The following FMN1 variants were observed in gnomAD, a reference collection of about 807,000 sequenced individuals.
The protein encoded by FMN1 is formin-1.
Under a neutral mutation model 132.4 loss-of-function variants are expected in FMN1, and 110 were observed. The observed-to-expected ratio is 0.83, with a 90% CI of 0.71 to 0.97. The LOEUF (loss-of-function observed/expected upper bound fraction) is 0.97. FMN1 is among the 50% of genes least tolerant of loss of function. The probability of loss-of-function intolerance (pLI) is 0.00; values close to 1 mark genes in which losing one functional copy is unlikely to be tolerated. For synonymous variants in FMN1, 722 were observed against 651.7 expected (o/e 1.11, Z -1.64); for missense variants, 1,792 against 1,705.3 (o/e 1.05, Z -0.90).
chr15:32,802,204 G>T (rs2057503747), intron 18 of FMN1, among the ~76,000 whole-genome samples: 1 of 151,990 alleles, frequency 6.6e-6, no homozygotes, highest in Non-Finnish European at 1.5e-5. Flanking sequence ...TTTTCTCTCT[G>T]CTATAATTCC....
intron 7 of FMN1, among the ~76,000 whole-genome samples, chr15:32,982,843 G>T (rs2032786431): frequency 6.6e-6 from 1 of 152,014 alleles, no homozygotes; most frequent in Non-Finnish European, 1.5e-5. Context: ...CAGCCCTCCT[G>T]AATCTCAGGC....
In FMN1 at chr15:32,971,969, A is replaced by G. The variant is rs186460756; in HGVS notation, c.2224-2492T>C. Among the ~76,000 whole-genome samples, 4 of 152,276 alleles carry G rather than the reference A, an allele frequency of 2.6e-5. No homozygotes were observed. The East Asian group carries it at 7.7e-4, about 29-fold the overall frequency. On this transcript the variant is annotated intron_variant, in intron 7 of 20. Coordinates refer to ENST00000616417, the MANE Select transcript of FMN1 (RefSeq NM_001277313.2). ...CATTTTAGCAGCTCTGAGGTAAGGC[A>G]TTTGTTTAGTGTAGTGGGCAGAACA...
At chr15:32,951,283 C>A (rs1348020011) in intron 9 of FMN1, among the ~76,000 whole-genome samples, 3 of 152,134 alleles carry the variant, frequency 2.0e-5, no homozygotes, top group Non-Finnish European at 4.4e-5. Context: ...AAGCAAAATA[C>A]AAATAGAACT....
At chr15:32,984,230 A>C (rs1244729771) in intron 7 of FMN1, among the ~76,000 whole-genome samples, 1 of 152,114 alleles carries the variant, frequency 6.6e-6, no homozygotes, top group African/African-American at 2.4e-5. Flanking sequence ...CCAGCCTCCA[A>C]TGCAAGGATT....
At chr15:33,090,184 A>G (rs2038854225) in intron 4 of FMN1, among the ~76,000 whole-genome samples, 1 of 152,236 alleles carries the variant, frequency 6.6e-6, no homozygotes, top group Non-Finnish European at 1.5e-5. Context: ...ATTTTGCAAT[A>G]GAGATCACTG....
At chr15:32,826,980 G>T (rs965572648) in intron 17 of FMN1, among the ~76,000 whole-genome samples, 6 of 152,214 alleles carry the variant, frequency 3.9e-5, no homozygotes, top group Non-Finnish European at 7.3e-5. Context: ...TAGAACTACA[G>T]GAGAATCAGA....
chr15:33,048,644 A>AAAAAAAAAAAAAAAAAAAAAAAAAAAAC, intron 6 of FMN1, among the ~76,000 whole-genome samples: 2 of 86,948 alleles, frequency 2.3e-5, no homozygotes, highest in African/African-American at 4.1e-5. Context: ...AAAAAAAAAA[A>AAAAAAAAAAAAAAAAAAAAAAAAAAAAC]AAAAACCAAC....
At chr15:32,969,716 A>G (rs1438228349) in intron 7 of FMN1, among the ~76,000 whole-genome samples, 1 of 152,188 alleles carries the variant, frequency 6.6e-6, no homozygotes, top group East Asian at 1.9e-4. Flanking sequence ...ACGGGAGATA[A>G]TTTTCATGGA....
At chr15:33,051,908 G>A (rs989157432) in intron 6 of FMN1, among the ~76,000 whole-genome samples, 2 of 152,120 alleles carry the variant, frequency 1.3e-5, no homozygotes, top group Non-Finnish European at 2.9e-5. Flanking sequence ...TAACCCACTT[G>A]GCCCTGTTCT....
intron 4 of FMN1, among the ~76,000 whole-genome samples, chr15:33,121,954 T>TA (rs951431487): frequency 3.5e-4 from 53 of 152,356 alleles, no homozygotes; most frequent in African/African-American, 1.2e-3. Context: ...TGTTACCAAT[T>TA]AATTCATTTA....
intron 6 of FMN1, among the ~76,000 whole-genome samples, chr15:33,021,207 G>GA (rs2035400206): frequency 6.6e-6 from 1 of 152,062 alleles, no homozygotes; most frequent in African/African-American, 2.4e-5. Flanking sequence ...AGAACAGCCT[G>GA]AAAAAGCCCA....
chr15:33,115,833 C>T (rs1490187322), intron 4 of FMN1, among the ~76,000 whole-genome samples: 1 of 152,168 alleles, frequency 6.6e-6, no homozygotes, highest in African/African-American at 2.4e-5. Flanking sequence ...TCTTTGTGGT[C>T]ATGAGATTTT....
At chr15:33,026,228 A>C (rs371778703) in intron 6 of FMN1, among the ~76,000 whole-genome samples, 1 of 152,154 alleles carries the variant, frequency 6.6e-6, no homozygotes, top group Non-Finnish European at 1.5e-5. Flanking sequence ...AAAGAGGCAG[A>C]GAAATTGAAT....
At chr15:32,902,117 C>G in intron 12 of FMN1, 77 bp from the exon 13 acceptor site, 2 of 1,308,168 alleles carry the variant, frequency 1.5e-6, no homozygotes, top group Non-Finnish European at 1.1e-6. Flanking sequence ...AAAAGACCCA[C>G]TTTGGGAACA....
intron 14 of FMN1, among the ~76,000 whole-genome samples, chr15:32,899,355 G>A (rs1004106520): frequency 1.3e-5 from 2 of 152,310 alleles, no homozygotes; most frequent in South Asian, 2.1e-4. Flanking sequence ...GAGGCCAGTG[G>A]GGAGCAGGCC....
Position 32,949,984 on chromosome 15 carries a change from C to CATATATATAT in FMN1, c.3138+14122_3138+14123insATATATATAT, listed in dbSNP as rs1567449047. Among the ~76,000 whole-genome samples the CATATATATAT allele has an allele frequency of 4.3e-3, 132 of 30,930 alleles. 17 individuals are homozygous for CATATATATAT. Among genetic ancestry groups the CATATATATAT allele is most frequent in the East Asian group, 7.0e-3 (8 of 1,144 alleles). The allele number at this position is 30,930 out of a possible 152,430, so 20.3% of individuals were successfully genotyped here. On this transcript the variant is annotated intron_variant, in intron 9 of 20. Transcript: ENST00000616417. ...ATATATACACACATATATATACACA[C>CATATATATAT]ACATATATATACACATACACATATA... is the stretch of plus-strand genomic sequence containing the variant.
At position 32,823,167 on chromosome 15, in the gene FMN1, T is replaced by TTTTG. The variant is rs1567224919; in HGVS notation, c.3929-18836_3929-18835insCAAA. On this transcript the variant is annotated intron_variant, in intron 17 of 20. Coordinates refer to ENST00000616417, the MANE Select transcript of FMN1 (RefSeq NM_001277313.2). ...AGTTTCTACTGTTTTTTTTTTTTTT[T>TTTTG]TTTTTTTTTTTTGAGACAGAGTCTT... 8.9e-3 allele frequency among the ~76,000 whole-genome samples: 609 copies of TTTTG among 68,810 alleles called. 16 individuals are homozygous for TTTTG. Among genetic ancestry groups the TTTTG allele is most frequent in the Admixed American group, 0.064 (461 of 7,244 alleles). 45.1% of individuals were successfully genotyped at this position (68,810 alleles called of 152,430 possible). A position where few individuals can be genotyped will look rare whatever the true frequency, so the allele number is the denominator to read the frequency against.
At chr15:32,795,193 C>G (rs28625085) in intron 19 of FMN1, among the ~76,000 whole-genome samples, 15,121 of 152,018 alleles carry the variant, frequency 0.099, 862 homozygotes, top group East Asian at 0.16. Flanking sequence ...CAAAAGAAAA[C>G]AAAACAAAGG....
intron 6 of FMN1, among the ~76,000 whole-genome samples, chr15:33,022,659 G>A (rs899371045): frequency 1.3e-5 from 2 of 152,212 alleles, no homozygotes; most frequent in South Asian, 4.1e-4. Flanking sequence ...GGACAAACCA[G>A]TAAGTGGCAC....
Sources: allele counts gnomAD v4.1 joint callset (sites outside exome capture counted in the v4.1 genomes callset), GRCh38; gene constraint gnomAD v4.1.1; transcripts MANE v1.5; gene names NCBI Gene and HGNC (gene_info 2026-07-23, HGNC 2026-07-21).